The following PWWP3B variants were observed in gnomAD, a reference collection of about 807,000 sequenced individuals.
The protein encoded by PWWP3B is PWWP domain containing 3B, also known as PWWP domain-containing DNA repair factor 3B.
Under a neutral mutation model 15.7 loss-of-function variants are expected in PWWP3B, and 5 were observed. The observed-to-expected ratio is 0.32, with a 90% CI of 0.17 to 0.67. The LOEUF (loss-of-function observed/expected upper bound fraction) is 0.67. Ranked by LOEUF, PWWP3B falls within the 30% of genes least tolerant of loss-of-function variation. The pLI, the probability that PWWP3B is intolerant of heterozygous loss-of-function variation, is 0.74. For synonymous variants in PWWP3B, 203 were observed against 179.8 expected, an observed-to-expected ratio of 1.13 and a Z score of -1.03; for missense variants, 519 against 493.1, an observed-to-expected ratio of 1.05 and a Z score of -0.50.
In PWWP3B at chrX:106,204,223, C is replaced by A. The variant is rs759887552; in HGVS notation, c.-215+53C>A. 7.1e-5 allele frequency: 8 copies of A among 112,343 alleles called. No homozygotes were observed. In the East Asian group the frequency reaches 2.3e-3, roughly 32 times the overall value. The allele number at this position is 112,343 out of a possible 1,213,427, so 9.3% of individuals were successfully genotyped here. ...TTTCACGGTAGAAACATGTTGAGAA[C>A]TTGGAGAATAATGTATTTTGCCTCC... On this transcript the variant is annotated intron_variant, in intron 3 of 3. Transcript: ENST00000357175.
chrX:106,196,511 A>G, intron 2 of PWWP3B, among the ~76,000 whole-genome samples: 1 of 111,185 alleles, frequency 9.0e-6, no homozygotes, highest in African/African-American at 3.3e-5. Context: ...TTATTTGTGG[A>G]ATGTTGTTAA....
At chrX:106,181,786 A>G (rs186314596) in intron 2 of PWWP3B, among the ~76,000 whole-genome samples, 103 of 112,007 alleles carry the variant, frequency 9.2e-4, no homozygotes, top group African/African-American at 3.1e-3. Flanking sequence ...CCTCAGTAGA[A>G]GTTGCTAGTT....
At chrX:106,176,648 C>A (rs1249892829) in intron 2 of PWWP3B, among the ~76,000 whole-genome samples, 1 of 111,872 alleles carries the variant, frequency 8.9e-6, no homozygotes, top group Non-Finnish European at 1.9e-5. Context: ...CAATTTTGTT[C>A]TTATATTTTC....
intron 2 of PWWP3B, among the ~76,000 whole-genome samples, chrX:106,191,705 G>C (rs1163635813): frequency 2.7e-5 from 3 of 111,144 alleles, no homozygotes; most frequent in Non-Finnish European, 5.6e-5. Context: ...ATTATTTTGA[G>C]ATACGTCCCA....
At chrX:106,171,887 T>C (rs1921637195) in intron 2 of PWWP3B, among the ~76,000 whole-genome samples, 1 of 111,097 alleles carries the variant, frequency 9.0e-6, no homozygotes, top group African/African-American at 3.3e-5. Flanking sequence ...AATGCCCTTT[T>C]CTGGAATACC....
intron 2 of PWWP3B, among the ~76,000 whole-genome samples, chrX:106,196,968 G>T (rs920136543): frequency 2.7e-5 from 3 of 111,242 alleles, no homozygotes; most frequent in African/African-American, 9.8e-5. Flanking sequence ...CACCAGCAGA[G>T]AGTCTCTCTT....
chrX:106,207,214 C>T lies in PWWP3B; in HGVS notation c.1782C>T (p.Pro594=). ...TTTTGAATGCAAATAGGTTCACACCCTGTATTGAAACATACTTTGAGGATG... is the reference window on the plus strand; with the variant it reads ...TTTTGAATGCAAATAGGTTCACACCTTGTATTGAAACATACTTTGAGGATG... ...KSFLNANRFT[P]CIETYFEDED... The change falls in exon 4 of 4, where the codon CCC becomes CCT. Residue 594 remains proline, a synonymous_variant. Coordinates refer to ENST00000357175, the MANE Select transcript of PWWP3B (RefSeq NM_001171020.2). 1 of 1,209,116 alleles carries T rather than the reference C, an allele frequency of 8.3e-7. No homozygotes were observed. The highest frequency in any genetic ancestry group is 1.1e-6 in the Non-Finnish European group (1 of 894,008).
rs754840072 is a variant in PWWP3B at position 106,207,093 on chromosome X, A to G, written c.1661A>G (p.Lys554Arg). The G allele has an allele frequency of 8.3e-7, 1 of 1,207,332 alleles. No individual in the cohort carries two copies. Among genetic ancestry groups the G allele is most frequent in the Admixed American group, 2.2e-5 (1 of 45,511 alleles). The change falls in exon 4 of 4, where the codon AAG (lysine) becomes AGG (arginine). Residue 554 changes from lysine (K) to arginine (R), a missense_variant. Lys to Arg is a conservative substitution (Grantham distance 26). Transcript: ENST00000357175. ...RMKAARDRAN[K>R]NLVDFIVNAK... ...AAGGCTGCTCGGGACCGAGCCAACA[A>G]GAACCTGGTGGACTTCATTGTGAAT...
intron 3 of PWWP3B, among the ~76,000 whole-genome samples, chrX:106,204,983 A>C (rs1485513530): frequency 9.0e-6 from 1 of 110,967 alleles, no homozygotes; most frequent in African/African-American, 3.3e-5. Context: ...TTCACTCCTT[A>C]GTAAGCATGT....
intron 2 of PWWP3B, among the ~76,000 whole-genome samples, chrX:106,193,440 C>T (rs1043913852): frequency 2.7e-5 from 3 of 111,716 alleles, no homozygotes; most frequent in African/African-American, 6.5e-5. Flanking sequence ...TGTCTCTGCA[C>T]GTGAGATGGG....
At position 106,203,638 on chromosome X, in the gene PWWP3B, AAAG is replaced by A. The variant is rs756943389; in HGVS notation, c.-400-341_-400-339del. On this transcript the variant is annotated intron_variant, in intron 2 of 3. Transcript: ENST00000357175. ...TCCATTGAAAAAAAATTGTATGTGT[AAAG>A]AAGAAAAATTCCACATGATAACTGA... Among the ~76,000 whole-genome samples, 9 of 112,485 alleles carry A rather than the reference AAAG, an allele frequency of 8.0e-5. No homozygotes were observed. The East Asian group carries it at 2.2e-3, about 28-fold the overall frequency.
rs945896628 is a variant in PWWP3B at position 106,181,597 on chromosome X, G to A, written c.-401+10458G>A. On this transcript the variant is annotated intron_variant, in intron 2 of 3. Coordinates refer to ENST00000357175, the MANE Select transcript of PWWP3B (RefSeq NM_001171020.2). ...CCCACTAGACCTAGGAAGTCCAGCT[G>A]GCTTCACCTCTCAATCCCCGCTCTA... Among the ~76,000 whole-genome samples the A allele has an allele frequency of 2.7e-5, 3 of 111,883 alleles. No homozygotes were observed. The Admixed American group carries it at 2.8e-4, about 11-fold the overall frequency.
chrX:106,203,460 C>G (rs1412371612), intron 2 of PWWP3B, among the ~76,000 whole-genome samples: 3 of 111,404 alleles, frequency 2.7e-5, no homozygotes, highest in Non-Finnish European at 5.7e-5. Flanking sequence ...AGTGAAGTCC[C>G]CTTCAACTCA....
chrX:106,178,923 C>T (rs1271820225), intron 2 of PWWP3B, among the ~76,000 whole-genome samples: 3 of 111,578 alleles, frequency 2.7e-5, no homozygotes, highest in Non-Finnish European at 5.6e-5. Flanking sequence ...CCATTTTTTA[C>T]GTAATGCATA....
At chrX:106,194,473 G>C (rs1923237325) in intron 2 of PWWP3B, among the ~76,000 whole-genome samples, 1 of 111,000 alleles carries the variant, frequency 9.0e-6, no homozygotes, top group African/African-American at 3.3e-5. Flanking sequence ...TAACTTCTTT[G>C]CCATCGGTTT....
At chrX:106,190,114 G>A (rs952544377) in intron 2 of PWWP3B, among the ~76,000 whole-genome samples, 16 of 111,189 alleles carry the variant, frequency 1.4e-4, no homozygotes, top group East Asian at 1.4e-3. Context: ...CTGAGGAATC[G>A]CCACACTGAC....
Position 106,208,341 on chromosome X carries a change from C to T in PWWP3B, c.*818C>T, listed in dbSNP as rs1440694259. ...GAGTAGATCTTCTTAATATAGCTGTCTGACCACATGTGGAAGGCAGCTAGA... is the reference window on the plus strand; with the variant it reads ...GAGTAGATCTTCTTAATATAGCTGTTTGACCACATGTGGAAGGCAGCTAGA... On this transcript the variant is annotated 3_prime_UTR_variant, in exon 4 of 4. Coordinates refer to ENST00000357175, the MANE Select transcript of PWWP3B (RefSeq NM_001171020.2). The T allele has an allele frequency of 3.2e-5, 4 of 123,433 alleles. No individual in the cohort carries two copies. Among genetic ancestry groups the T allele is most frequent in the African/African-American group, 6.5e-5 (2 of 30,834 alleles). 10.2% of individuals were successfully genotyped at this position (123,433 alleles called of 1,213,427 possible).
intron 2 of PWWP3B, among the ~76,000 whole-genome samples, chrX:106,203,027 C>G (rs945897522): frequency 9.0e-6 from 1 of 110,945 alleles, no homozygotes; most frequent in Non-Finnish European, 1.9e-5. Flanking sequence ...ATGCTACAGG[C>G]TTGGGGGAAA....
chrX:106,205,629 T>C lies in PWWP3B; in HGVS notation c.197T>C (p.Ile66Thr). The C allele has an allele frequency of 8.3e-7, 1 of 1,209,894 alleles. No individual in the cohort carries two copies. The highest frequency in any genetic ancestry group is 1.1e-6 in the Non-Finnish European group (1 of 894,641). Reference sequence around the variant, plus strand: ...CTAAATAAATCTCAAATTGAAGCCATTGCTGCCTCATTAGGACTACAGTCA... The same window carrying C: ...CTAAATAAATCTCAAATTGAAGCCACTGCTGCCTCATTAGGACTACAGTCA... ...KILNKSQIEA[I>T]AASLGLQSED... is the part of the protein sequence containing the mutation. Residue 66 changes from isoleucine to threonine, a missense_variant, in exon 4 of 4, where the codon ATT (isoleucine) becomes ACT (threonine). By Grantham distance (89) the Ile-to-Thr change is moderately conservative (BLOSUM62 -1). Transcript: ENST00000357175.
Sources: gnomAD v4.1 joint callset for allele counts (sites outside exome capture counted in the v4.1 genomes callset) on GRCh38, gnomAD v4.1.1 for gene constraint, MANE v1.5 for transcripts, NCBI Gene and HGNC (gene_info 2026-07-23, HGNC 2026-07-21) for gene names.